The following CCDC15 variants were observed in gnomAD, a reference collection of about 807,000 sequenced individuals.
CCDC15 encodes coiled-coil domain-containing protein 15.
Under a neutral mutation model 114.5 loss-of-function variants are expected in CCDC15, and 105 were observed. That is an observed-to-expected ratio of 0.92 (90% CI 0.78 to 1.08). CCDC15 has a LOEUF of 1.08. Among genes scored for constraint, CCDC15 ranks in the 50% least tolerant of loss-of-function variants. The pLI, the probability that CCDC15 is intolerant of heterozygous loss-of-function variation, is 0.00. For missense variants in CCDC15, 1,105 were observed against 1,093.6 expected, an observed-to-expected ratio of 1.01 and a Z score of -0.15; for synonymous variants, 334 against 377.8, an observed-to-expected ratio of 0.88 and a Z score of 1.34.
intron 13 of CCDC15, among the ~76,000 whole-genome samples, chr11:125,016,095 T>C (rs893860029): frequency 6.6e-6 from 1 of 152,226 alleles, no homozygotes; most frequent in East Asian, 1.9e-4. Flanking sequence ...TTTCTTAATT[T>C]CTCAAATATT....
At chr11:125,011,621 T>C (rs1948594047) in intron 13 of CCDC15, among the ~76,000 whole-genome samples, 1 of 152,214 alleles carries the variant, frequency 6.6e-6, no homozygotes, top group African/African-American at 2.4e-5. Context: ...TTTATTGGAT[T>C]ATTTTAAGTG....
chr11:124,997,136 A>C (rs1948386822), intron 11 of CCDC15, among the ~76,000 whole-genome samples: 1 of 152,198 alleles, frequency 6.6e-6, no homozygotes, highest in African/African-American at 2.4e-5. Context: ...ATTGATGGAC[A>C]TCTGGGTTGT....
chr11:124,987,865 C>G lies in CCDC15; in HGVS notation c.1639C>G (p.Leu547Val). The G allele has an allele frequency of 6.2e-7, 1 of 1,614,022 alleles. No homozygotes were observed. Among genetic ancestry groups the G allele is most frequent in the Non-Finnish European group, 8.5e-7 (1 of 1,179,892 alleles). Residue 547 changes from leucine to valine, a missense_variant, in exon 8 of 16, where the codon CTC (leucine) becomes GTC (valine). By Grantham distance (32) the Leu-to-Val change is conservative. Coordinates refer to ENST00000344762, the MANE Select transcript of CCDC15 (RefSeq NM_025004.3). ...CTTTTTATCTAGAGACCAGCATGTTCTCCCCAAAGACTGGAATATTCTACC... is the reference window on the plus strand; with the variant it reads ...CTTTTTATCTAGAGACCAGCATGTTGTCCCCAAAGACTGGAATATTCTACC... ...QDFLSRDQHV[L>V]PKDWNILPKC...
At chr11:124,982,387 G>C (rs1948085402) in intron 6 of CCDC15, among the ~76,000 whole-genome samples, 1 of 152,128 alleles carries the variant, frequency 6.6e-6, no homozygotes, top group East Asian at 1.9e-4. Context: ...AGTATCACTG[G>C]TCTATGTACT....
At chr11:125,031,449 T>C (rs1948738848) in intron 13 of CCDC15, among the ~76,000 whole-genome samples, 1 of 152,182 alleles carries the variant, frequency 6.6e-6, no homozygotes, top group African/African-American at 2.4e-5. Flanking sequence ...ATATATACCC[T>C]TCCATTTGAT....
chr11:125,016,897 C>T (rs1372232708), intron 13 of CCDC15, among the ~76,000 whole-genome samples: 2 of 152,086 alleles, frequency 1.3e-5, no homozygotes, highest in African/African-American at 4.8e-5. Flanking sequence ...ATAATCTTTT[C>T]CTTCTTGTGT....
At chr11:124,988,450 A>G (rs1381395584) in intron 8 of CCDC15, among the ~76,000 whole-genome samples, 1 of 152,208 alleles carries the variant, frequency 6.6e-6, no homozygotes, top group African/African-American at 2.4e-5. Flanking sequence ...GGCAAGCCAT[A>G]ATCTTTTTGC....
At chr11:125,024,999 C>CATATATATATGA (rs1288475099) in intron 13 of CCDC15, among the ~76,000 whole-genome samples, 8 of 127,730 alleles carry the variant, frequency 6.3e-5, no homozygotes, top group East Asian at 4.2e-4. Context: ...CTGTCAAATT[C>CATATATATATGA]ATATATATAT....
At position 124,974,612 on chromosome 11, in the gene CCDC15, G is replaced by T. The variant is rs1048200765; in HGVS notation, c.517-484G>T. ...AGTAGCTATGGTCTTCAAATGTTGA[G>T]GGTGGTGAAAGGAGTCATGTAAATT... is the stretch of plus-strand genomic sequence containing the variant. On this transcript the variant is annotated intron_variant, in intron 4 of 15. Coordinates refer to ENST00000344762, the MANE Select transcript of CCDC15 (RefSeq NM_025004.3). Among the ~76,000 whole-genome samples, 4 of 152,076 alleles carry T rather than the reference G, an allele frequency of 2.6e-5. No homozygotes were observed. The South Asian group carries it at 8.3e-4, about 32-fold the overall frequency.
chr11:125,009,813 G>A (rs1392006357), intron 13 of CCDC15, among the ~76,000 whole-genome samples: 2 of 152,184 alleles, frequency 1.3e-5, no homozygotes, highest in Admixed American at 6.5e-5. Flanking sequence ...CTACATCCAT[G>A]TTGCTGTAAA....
intron 13 of CCDC15, among the ~76,000 whole-genome samples, chr11:125,027,962 G>A (rs910258512): frequency 2.6e-5 from 4 of 152,198 alleles, no homozygotes; most frequent in South Asian, 4.1e-4. Flanking sequence ...TGGCTTGCCA[G>A]TTATTCCAAC....
Position 124,987,636 on chromosome 11 carries a change from G to C in CCDC15, c.1410G>C (p.Gln470His), listed in dbSNP as rs758231713. Residue 470 changes from glutamine (Q) to histidine (H), a missense_variant, in exon 8 of 16, where the codon CAG becomes CAC. Coordinates refer to ENST00000344762, the MANE Select transcript of CCDC15 (RefSeq NM_025004.3). ...DQDILPKYQD[Q>H]NFLPKDQNFL... The stretch of plus-strand genomic sequence containing the variant: ...ATATTCTGCCAAAATATCAGGACCA[G>C]AATTTTCTACCTAAGGACCAGAATT... The C allele has an allele frequency of 6.2e-7, 1 of 1,613,566 alleles. No individual in the cohort carries two copies. Among genetic ancestry groups the C allele is most frequent in the Admixed American group, 1.7e-5 (1 of 59,984 alleles).
At chr11:124,986,996 A>G in intron 7 of CCDC15, 108 bp downstream of exon 7, 1 of 1,385,506 alleles carries the variant, frequency 7.2e-7, no homozygotes, top group Non-Finnish European at 9.5e-7. Context: ...TTGGACAAAG[A>G]TTATAATTTC....
At chr11:125,035,697 C>T (rs1948770378) in intron 13 of CCDC15, among the ~76,000 whole-genome samples, 1 of 151,980 alleles carries the variant, frequency 6.6e-6, no homozygotes, top group Non-Finnish European at 1.5e-5. Context: ...TCTCTGATGA[C>T]ATGTTTTAAT....
chr11:124,987,586 C>G lies in CCDC15; in HGVS notation c.1360C>G (p.Gln454Glu). 8 of 1,614,006 alleles carry G rather than the reference C, an allele frequency of 5.0e-6. No individual in the cohort carries two copies. Among genetic ancestry groups the G allele is most frequent in the Non-Finnish European group, 6.8e-6 (8 of 1,179,902 alleles). Reference sequence around the variant, plus strand: ...GGACCAGGACTTCCTACCCAGAGACCAGCATGTTCTCCACAAAGACCAAGA... The same window carrying G: ...GGACCAGGACTTCCTACCCAGAGACGAGCATGTTCTCCACAAAGACCAAGA... ...YQDQDFLPRDQHVLHKDQDIL... is the reference protein window; with the variant it reads ...YQDQDFLPRDEHVLHKDQDIL... The change falls in exon 8 of 16, where the codon CAG becomes GAG. Residue 454 changes from glutamine to glutamate, a missense_variant. Coordinates refer to ENST00000344762, the MANE Select transcript of CCDC15 (RefSeq NM_025004.3).
intron 4 of CCDC15, among the ~76,000 whole-genome samples, chr11:124,967,613 CCTT>C (rs1183431828): frequency 2.6e-5 from 4 of 152,150 alleles, no homozygotes; most frequent in African/African-American, 9.7e-5. Flanking sequence ...TCATTATTGA[CCTT>C]CTGAAGCCTA....
intron 13 of CCDC15, among the ~76,000 whole-genome samples, chr11:125,035,921 T>C (rs951907315): frequency 3.9e-5 from 6 of 152,166 alleles, no homozygotes; most frequent in African/African-American, 1.2e-4. Context: ...TTTCTACTTA[T>C]ATTTTATTGT....
intron 13 of CCDC15, among the ~76,000 whole-genome samples, chr11:125,022,125 C>T (rs948095323): frequency 1.3e-5 from 2 of 151,924 alleles, no homozygotes; most frequent in African/African-American, 4.8e-5. Flanking sequence ...TTCTTTCATT[C>T]TCTAACTTAT....
intron 13 of CCDC15, among the ~76,000 whole-genome samples, chr11:125,013,386 G>A (rs1948608587): frequency 6.6e-6 from 1 of 152,144 alleles, no homozygotes; most frequent in Non-Finnish European, 1.5e-5. Flanking sequence ...AAGATTTTAA[G>A]GCAAAAGTCC....
Sources: gnomAD v4.1 joint callset for allele counts (sites outside exome capture counted in the v4.1 genomes callset) on GRCh38, gnomAD v4.1.1 for gene constraint, MANE v1.5 for transcripts, NCBI Gene and HGNC (gene_info 2026-07-23, HGNC 2026-07-21) for gene names.